Variants in KCNJ15 observed in about 807,000 individuals in gnomAD.
KCNJ15 encodes ATP-sensitive inward rectifier potassium channel 15.
In KCNJ15, 14 loss-of-function variants were observed where a neutral mutation model predicts 23.0. The observed-to-expected ratio is 0.61, with a 90% CI of 0.40 to 0.95. KCNJ15 has a LOEUF of 0.95. Among genes scored for constraint, KCNJ15 ranks in the 40% least tolerant of loss-of-function variants. The pLI, the probability that KCNJ15 is intolerant of heterozygous loss-of-function variation, is 0.00. For missense variants in KCNJ15, 388 were observed against 461.8 expected, an observed-to-expected ratio of 0.84 and a Z score of 1.46; for synonymous variants, 185 against 183.2, an observed-to-expected ratio of 1.01 and a Z score of -0.08.
upstream of KCNJ15, among the ~76,000 whole-genome samples, chr21:38,256,360 T>TTA (rs56679003): frequency 4.9e-3 from 521 of 106,230 alleles, 19 homozygotes; most frequent in African/African-American, 6.9e-3. Context: ...TCTATTCAGC[T>TTA]TATATATATA....
At chr21:38,283,652 A>T (rs1983586546) in intron 1 of KCNJ15, among the ~76,000 whole-genome samples, 1 of 152,212 alleles carries the variant, frequency 6.6e-6, no homozygotes, top group Admixed American at 6.5e-5. Flanking sequence ...TCTTAAAAGT[A>T]GACTTACTGA....
rs1375459524 is a variant in KCNJ15 at position 38,300,336 on chromosome 21, G to A, written c.1075G>A (p.Asp359Asn). ...ACTCGAGGAGAAGTACAGGCAGGAGGATCAGAGGGAAAGAGAACTGAGGAC... is the reference window on the plus strand; with the variant it reads ...ACTCGAGGAGAAGTACAGGCAGGAGAATCAGAGGGAAAGAGAACTGAGGAC... ...QQLEEKYRQE[D>N]QRERELRTLL... The change falls in exon 3 of 3, where the codon GAT becomes AAT. Residue 359 changes from aspartate (D) to asparagine (N), a missense_variant. Transcript: ENST00000398938. 2.5e-6 allele frequency: 4 copies of A among 1,613,966 alleles called. No individual in the cohort carries two copies. In the Admixed American group the frequency reaches 6.7e-5, roughly 27 times the overall value.
rs182840857 is a variant in KCNJ15 at position 38,273,650 on chromosome 21, T to C, written c.-117+16465T>C. On this transcript the variant is annotated intron_variant, in intron 1 of 2. Transcript: ENST00000398938. ...AGGGCAATTTATTTTAAAATCAGAA[T>C]GGTCCATAAAACTAATAGCTTTGTG... Among the ~76,000 whole-genome samples, 183 of 152,352 alleles carry C rather than the reference T, an allele frequency of 1.2e-3. 1 individual carries two copies. The highest frequency in any genetic ancestry group is 4.3e-3 in the African/African-American group (177 of 41,590).
chr21:38,300,480 T>G lies in KCNJ15; in HGVS notation c.*91T>G, dbSNP rs1985682236. 1 of 1,139,246 alleles carries G rather than the reference T, an allele frequency of 8.8e-7. No homozygotes were observed. Among genetic ancestry groups the G allele is most frequent in the Admixed American group, 2.5e-5 (1 of 40,266 alleles). 70.6% of individuals were successfully genotyped at this position (1,139,246 alleles called of 1,614,324 possible). A position where few individuals can be genotyped will look rare whatever the true frequency, so the allele number is the denominator to read the frequency against. ...AAAGATTGCTGTGAAAACGAAAATG[T>G]GTAGACGCACTCTCAAAAACTGCAC... On this transcript the variant is annotated 3_prime_UTR_variant, in exon 3 of 3. Coordinates refer to ENST00000398938, the MANE Select transcript of KCNJ15 (RefSeq NM_170736.3).
rs768675308 is a variant in KCNJ15 at position 38,299,526 on chromosome 21, G to A, written c.265G>A (p.Ala89Thr). ...FLFGVIYYAI[A>T]FIHGDLEPGE... is the part of the protein sequence containing the mutation. ...TTTTGGAGTCATCTACTATGCCATC[G>A]CGTTTATTCATGGGGACTTAGAACC... The change falls in exon 3 of 3, where the codon GCG becomes ACG. Residue 89 changes from alanine to threonine, a missense_variant. Transcript: ENST00000398938. This position sits in a 1 kb window ranked among gnomAD's most constrained non-coding sequence, Gnocchi z 4.5. The A allele has an allele frequency of 4.3e-6, 7 of 1,614,096 alleles. No homozygotes were observed. The highest frequency in any genetic ancestry group is 1.1e-5 in the South Asian group (1 of 91,080).
At position 38,300,999 on chromosome 21, in the gene KCNJ15, C is replaced by T. The variant is rs890653809; in HGVS notation, c.*610C>T. ...AAGGAAATTGATCAGATCTGTAATT[C>T]ACAACTGTGGAAACCTACACAAATG... is the stretch of plus-strand genomic sequence containing the variant. On this transcript the variant is annotated 3_prime_UTR_variant, in exon 3 of 3. Transcript: ENST00000398938. 2 of 167,012 alleles carry T rather than the reference C, an allele frequency of 1.2e-5. No individual in the cohort carries two copies. Among genetic ancestry groups the T allele is most frequent in the African/African-American group, 4.8e-5 (2 of 41,448 alleles). 10.3% of individuals were successfully genotyped at this position (167,012 alleles called of 1,614,324 possible). A position where few individuals can be genotyped will look rare whatever the true frequency, so the allele number is the denominator to read the frequency against.
chr21:38,263,219 G>T (rs1050141572), intron 1 of KCNJ15, among the ~76,000 whole-genome samples: 1 of 152,126 alleles, frequency 6.6e-6, no homozygotes, highest in African/African-American at 2.4e-5. Flanking sequence ...GGAACTGGGG[G>T]AGAACTCTCA....
chr21:38,273,356 A>C (rs1352466833), intron 1 of KCNJ15, among the ~76,000 whole-genome samples: 1 of 152,222 alleles, frequency 6.6e-6, no homozygotes, highest in African/African-American at 2.4e-5. Flanking sequence ...ATATTACTCT[A>C]AATTAATCTT....
upstream of KCNJ15, among the ~76,000 whole-genome samples, chr21:38,252,886 T>C (rs1287633881): frequency 6.6e-6 from 1 of 152,218 alleles, no homozygotes; most frequent in African/African-American, 2.4e-5. Flanking sequence ...TCTGTGTGTA[T>C]TAATTTTAAC....
intron 1 of KCNJ15, among the ~76,000 whole-genome samples, chr21:38,250,911 C>T (rs748026073): frequency 2.0e-5 from 3 of 152,152 alleles, no homozygotes; most frequent in Non-Finnish European, 2.9e-5. Context: ...GGTTCAAAGT[C>T]AGTCTGTTGT....
chr21:38,240,235 C>T (rs940132312), intron 1 of KCNJ15, among the ~76,000 whole-genome samples: 3 of 152,090 alleles, frequency 2.0e-5, no homozygotes, highest in Non-Finnish European at 4.4e-5. Flanking sequence ...CCATCTTGAC[C>T]TCTAGACTTT....
At chr21:38,248,367 A>T (rs924736622) in intron 1 of KCNJ15, among the ~76,000 whole-genome samples, 5 of 152,262 alleles carry the variant, frequency 3.3e-5, no homozygotes, top group Non-Finnish European at 5.9e-5. Context: ...ATAGCTTATC[A>T]GTACAATGCA....
Position 38,301,327 on chromosome 21 carries a change from T to A in KCNJ15, c.*938T>A, listed in dbSNP as rs1048069531. 6.0e-6 allele frequency: 1 copy of A among 167,114 alleles called. No homozygotes were observed. The highest frequency in any genetic ancestry group is 1.5e-5 in the Non-Finnish European group (1 of 68,128). The allele number at this position is 167,114 out of a possible 1,614,324, so 10.4% of individuals were successfully genotyped here. ...GAAAACTGACTCTGTGTGGGTCCCGTATCCCTGTGGCATCCAGACCTGGCC... is the reference window on the plus strand; with the variant it reads ...GAAAACTGACTCTGTGTGGGTCCCGAATCCCTGTGGCATCCAGACCTGGCC... On this transcript the variant is annotated 3_prime_UTR_variant, in exon 3 of 3. Coordinates refer to ENST00000398938, the MANE Select transcript of KCNJ15 (RefSeq NM_170736.3).
intron 1 of KCNJ15, among the ~76,000 whole-genome samples, chr21:38,293,400 C>T (rs182842459): frequency 6.6e-6 from 1 of 152,282 alleles, no homozygotes; most frequent in African/African-American, 2.4e-5. Context: ...GAAACACACA[C>T]CCCACCCCCG....
rs886346793 is a variant in KCNJ15 at position 38,303,857 on chromosome 21, C to A, written c.*3468C>A. 3 of 150,826 alleles carry A rather than the reference C, an allele frequency of 2.0e-5. No individual in the cohort carries two copies. Among genetic ancestry groups the A allele is most frequent in the Non-Finnish European group, 4.4e-5 (3 of 67,750 alleles). 9.3% of individuals were successfully genotyped at this position (150,826 alleles called of 1,614,324 possible). On this transcript the variant is annotated 3_prime_UTR_variant, in exon 3 of 3. Coordinates refer to ENST00000398938, the MANE Select transcript of KCNJ15 (RefSeq NM_170736.3). ...ATTATTCTGTCTCCCTTATTTGAGT[C>A]TTCAATATATATGCCCAGCTGGAGG...
Position 38,274,433 on chromosome 21 carries a change from G to A in KCNJ15, c.-117+17248G>A, listed in dbSNP as rs534817750. 2.1e-4 allele frequency among the ~76,000 whole-genome samples: 32 copies of A among 152,114 alleles called. 1 individual carries two copies. Among genetic ancestry groups the A allele is most frequent in the African/African-American group, 6.7e-4 (28 of 41,484 alleles). ...AAGATGCTGTCTGTGGAAAATGCAC[G>A]TGGAGCTCTTGCACACGTTTTCTAT... On this transcript the variant is annotated intron_variant, in intron 1 of 2. Transcript: ENST00000398938.
At chr21:38,250,404 C>T (rs1979744238) in intron 1 of KCNJ15, among the ~76,000 whole-genome samples, 1 of 152,158 alleles carries the variant, frequency 6.6e-6, no homozygotes, top group South Asian at 2.1e-4. Flanking sequence ...AATAATATCA[C>T]TACATGCTGG....
intron 1 of KCNJ15, among the ~76,000 whole-genome samples, chr21:38,276,297 A>G (rs1982689023): frequency 1.3e-5 from 2 of 152,208 alleles, no homozygotes; most frequent in South Asian, 4.1e-4. Context: ...ATGTTTTGGT[A>G]ATTAGGAGTC....
At chr21:38,266,674 G>T (rs1009790346) in intron 1 of KCNJ15, among the ~76,000 whole-genome samples, 1 of 152,210 alleles carries the variant, frequency 6.6e-6, no homozygotes, top group Non-Finnish European at 1.5e-5. Flanking sequence ...TATATACCCA[G>T]TAATGGGATT....
Sources: gnomAD v4.1 joint callset for allele counts (sites outside exome capture counted in the v4.1 genomes callset) on GRCh38, gnomAD v4.1.1 for gene constraint, Gnocchi (gnomAD v3.1) non-coding constraint, MANE v1.5 for transcripts, NCBI Gene and HGNC (gene_info 2026-07-23, HGNC 2026-07-21) for gene names.